The following AQR variants were observed in gnomAD, a reference collection of about 807,000 sequenced individuals.
AQR encodes aquarius intron-binding spliceosomal factor, also known as RNA helicase aquarius.
A neutral mutation model predicts 180.5 loss-of-function variants in AQR; 61 were observed. The observed-to-expected ratio is 0.34, with a 90% confidence interval of 0.28 to 0.42. AQR has a LOEUF of 0.42. Ranked by LOEUF, AQR falls within the 10% of genes least tolerant of loss-of-function variation. The pLI is 1.00. For synonymous variants in AQR, 551 were observed against 588.8 expected (o/e 0.94, Z 0.93); for missense variants, 1,281 against 1,798.3 (o/e 0.71, Z 5.20).
chr15:34,870,703 A>G (rs1421206526), intron 31 of AQR, 49 bp downstream of exon 31: 4 of 1,532,434 alleles, frequency 2.6e-6, no homozygotes, highest in South Asian at 2.5e-5. Context: ...AAACCTTTCC[A>G]TCTTGCCAAA....
At chr15:34,889,849 T>C (rs1430716624) in intron 24 of AQR, among the ~76,000 whole-genome samples, 2 of 152,162 alleles carry the variant, frequency 1.3e-5, no homozygotes, top group African/African-American at 2.4e-5. Flanking sequence ...CTAAAATATA[T>C]GCAAATTAAA....
At chr15:34,937,076 C>T (rs1305107910) in intron 9 of AQR, among the ~76,000 whole-genome samples, 2 of 152,136 alleles carry the variant, frequency 1.3e-5, no homozygotes, top group Non-Finnish European at 2.9e-5. Flanking sequence ...TTTGTTCTGT[C>T]ACCCAGGCTG....
intron 10 of AQR, among the ~76,000 whole-genome samples, chr15:34,932,832 G>A (rs541690710): frequency 1.0e-3 from 152 of 152,188 alleles, no homozygotes; most frequent in African/African-American, 3.3e-3. Flanking sequence ...ATGGGCGCCT[G>A]TAATCCCAGC....
chr15:34,862,598 A>G (rs958314742), intron 33 of AQR, among the ~76,000 whole-genome samples: 12 of 152,074 alleles, frequency 7.9e-5, no homozygotes, highest in Non-Finnish European at 1.5e-5. Context: ...AGGTCTCACT[A>G]TGTTGCCCAG....
intron 27 of AQR, among the ~76,000 whole-genome samples, chr15:34,877,533 C>T (rs991604046): frequency 2.0e-5 from 3 of 152,114 alleles, no homozygotes; most frequent in Admixed American, 6.5e-5. Context: ...TTCAAACTCT[C>T]ACATTTTCTA....
At chr15:34,901,881 A>G (rs1376421420) in intron 19 of AQR, among the ~76,000 whole-genome samples, 1 of 152,236 alleles carries the variant, frequency 6.6e-6, no homozygotes, top group Admixed American at 6.5e-5. Context: ...TGAATACCCA[A>G]ATGAGTATAT....
chr15:34,931,804 C>T (rs1284553668), intron 11 of AQR, among the ~76,000 whole-genome samples: 1 of 152,172 alleles, frequency 6.6e-6, no homozygotes, highest in East Asian at 1.9e-4. Context: ...ACAGAGCGAA[C>T]TGTGTCTCCA....
At chr15:34,858,361 A>G (rs999474627) in intron 34 of AQR, among the ~76,000 whole-genome samples, 15 of 151,262 alleles carry the variant, frequency 9.9e-5, no homozygotes, top group African/African-American at 3.6e-4. Flanking sequence ...AAAGAAAAAT[A>G]CTTAGCAAAA....
At position 34,920,741 on chromosome 15, in the gene AQR, G is replaced by A. The variant is rs1035041197; in HGVS notation, c.1119-307C>T. ...TGGGAGGCCGAGGCAGGCAGATCCC[G>A]GGGTCAGGAGATCGAGACTATGCTG... On this transcript the variant is annotated intron_variant, in intron 13 of 34. Coordinates refer to ENST00000156471, the MANE Select transcript of AQR (RefSeq NM_014691.3). 4.6e-5 allele frequency among the ~76,000 whole-genome samples: 7 copies of A among 152,218 alleles called. No individual in the cohort carries two copies. The East Asian group carries it at 1.4e-3, about 29-fold the overall frequency.
intron 19 of AQR, among the ~76,000 whole-genome samples, chr15:34,903,117 T>C (rs1252801372): frequency 6.6e-6 from 1 of 152,102 alleles, no homozygotes; most frequent in Non-Finnish European, 1.5e-5. Context: ...AAAAGAACTA[T>C]GTAAATACCT....
chr15:34,909,267 CTTTA>C (rs1024350122), intron 17 of AQR, among the ~76,000 whole-genome samples: 3 of 152,164 alleles, frequency 2.0e-5, no homozygotes, highest in Non-Finnish European at 4.4e-5. Flanking sequence ...CAAAACAGGG[CTTTA>C]AGTAAGACCT....
intron 24 of AQR, among the ~76,000 whole-genome samples, chr15:34,889,236 C>G (rs538280840): frequency 1.3e-5 from 2 of 152,198 alleles, no homozygotes; most frequent in Non-Finnish European, 2.9e-5. Flanking sequence ...ATATAGAGCC[C>G]TAAATAACTT....
intron 26 of AQR, 139 bp from the exon 27 acceptor site, chr15:34,882,778 T>G (rs1196724414): frequency 3.7e-6 from 3 of 803,612 alleles, no homozygotes; most frequent in African/African-American, 1.8e-5. Flanking sequence ...ATAATTCTGT[T>G]CATTATGATT....
At chr15:34,868,368 G>A (rs1338937942) in intron 31 of AQR, 1 of 151,802 alleles carries the variant, frequency 6.6e-6, no homozygotes, top group East Asian at 1.9e-4. Flanking sequence ...AAAAGTGTAT[G>A]TACAAATAGG....
intron 18 of AQR, among the ~76,000 whole-genome samples, chr15:34,905,106 G>A (rs1330097079): frequency 7.3e-6 from 1 of 137,312 alleles, no homozygotes; most frequent in East Asian, 2.3e-4. Context: ...TGGGGGGGGT[G>A]GGGGGAAGGG....
rs573313818 is a variant in AQR, at chr15:34,866,276, C to T, written c.3854+1248G>A. Among the ~76,000 whole-genome samples the T allele has an allele frequency of 4.6e-5, 7 of 152,176 alleles. No homozygotes were observed. The South Asian group carries it at 1.0e-3, about 23-fold the overall frequency. On this transcript the variant is annotated intron_variant, in intron 32 of 34. Coordinates refer to ENST00000156471, the MANE Select transcript of AQR (RefSeq NM_014691.3). ...AATCATAAATAATGAACTGACATAT[C>T]CCTTCTATGCACAACCACCACCAAC...
rs532331975 is a variant in AQR at position 34,920,239 on chromosome 15, C to T, written c.1221+93G>A. 8.7e-6 allele frequency: 7 copies of T among 806,922 alleles called. No individual in the cohort carries two copies. In the South Asian group the frequency reaches 1.3e-4, roughly 15 times the overall value. 50.0% of individuals were successfully genotyped at this position (806,922 alleles called of 1,614,324 possible). On this transcript the variant is annotated intron_variant, in intron 14 of 34. Coordinates refer to ENST00000156471, the MANE Select transcript of AQR (RefSeq NM_014691.3). Reference sequence around the variant, plus strand: ...GGGAATTATCTGCCTAATCTTTGGCCCACAAAAAAATCTATATGAACCTAC... The same window carrying T: ...GGGAATTATCTGCCTAATCTTTGGCTCACAAAAAAATCTATATGAACCTAC...
rs181113888 is a variant in AQR at position 34,899,361 on chromosome 15, C to T, written c.2243+1261G>A. ...ACTAGGTTTGGGTGTATAAAGGATACGTATATTTAAAATGTAGAATTAATT... is the reference window on the plus strand; with the variant it reads ...ACTAGGTTTGGGTGTATAAAGGATATGTATATTTAAAATGTAGAATTAATT... On this transcript the variant is annotated intron_variant, in intron 20 of 34. Transcript: ENST00000156471. Among the ~76,000 whole-genome samples, 158 of 152,032 alleles carry T rather than the reference C, an allele frequency of 1.0e-3. 1 individual carries two copies. Among genetic ancestry groups the T allele is most frequent in the Non-Finnish European group, 1.5e-3 (101 of 67,974 alleles).
intron 2 of AQR, among the ~76,000 whole-genome samples, chr15:34,961,081 A>G (rs558021964): frequency 3.1e-4 from 47 of 152,314 alleles, no homozygotes; most frequent in African/African-American, 1.1e-3. Context: ...TTTAGGGAAA[A>G]TAAAAATTCA....
Sources: gnomAD v4.1 joint callset for allele counts (sites outside exome capture counted in the v4.1 genomes callset) on GRCh38, gnomAD v4.1.1 for gene constraint, MANE v1.5 for transcripts, NCBI Gene and HGNC (gene_info 2026-07-23, HGNC 2026-07-21) for gene names.